Variants in GRIK4 observed in about 807,000 individuals in gnomAD.
GRIK4 encodes glutamate ionotropic receptor kainate type subunit 4.
In GRIK4, 40 loss-of-function variants were observed where a neutral mutation model predicts 104.9. The observed-to-expected ratio is 0.38, with a 90% CI of 0.30 to 0.50. The LOEUF (loss-of-function observed/expected upper bound fraction) is 0.50, where lower values mean the gene tolerates loss of function less well. Among genes scored for constraint, GRIK4 ranks in the 20% least tolerant of loss-of-function variants. The probability of loss-of-function intolerance (pLI) is 0.93; values close to 1 mark genes in which losing one functional copy is unlikely to be tolerated. For missense variants in GRIK4, 1,047 were observed against 1,308.1 expected (o/e 0.80, Z 3.08); for synonymous variants, 485 against 524.9 (o/e 0.92, Z 1.04).
intron 1 of GRIK4, among the ~76,000 whole-genome samples, chr11:120,600,312 G>C (rs1948867216): frequency 6.6e-6 from 1 of 152,154 alleles, no homozygotes; most frequent in South Asian, 2.1e-4. Context: ...GGGCAAGAGA[G>C]TAAGAGGTTT....
chr11:120,911,489 G>A (rs1305960440), intron 13 of GRIK4, among the ~76,000 whole-genome samples: 1 of 147,052 alleles, frequency 6.8e-6, no homozygotes, highest in Admixed American at 6.7e-5. Context: ...CGCCCGTCTC[G>A]GCCTCCCAAA....
Position 120,874,063 on chromosome 11 carries a change from C to T in GRIK4, c.907-3C>T, listed in dbSNP as rs766855401. 1 of 1,602,092 alleles carries T rather than the reference C, an allele frequency of 6.2e-7. No individual in the cohort carries two copies. The highest frequency in any genetic ancestry group is 1.1e-5 in the South Asian group (1 of 90,522). ...CCTCCGCCTGCTCCCCGGCCTCTCC[C>T]AGCTCTCCTCGGCCCTGCTGTTTGA... On this transcript the variant is annotated splice_region_variant and splice_polypyrimidine_tract_variant and intron_variant, in intron 9 of 20. Coordinates refer to ENST00000527524, the MANE Select transcript of GRIK4 (RefSeq NM_014619.5).
rs554766032 is a variant in GRIK4 at position 120,517,449 on chromosome 11, C to G, written c.-159+5562C>G. ...AAAGTGAGGCTGGCATCGTTTGCCC[C>G]AGGGAGGCCATGGGCAGGCCCCCTG... On this transcript the variant is annotated intron_variant, in intron 1 of 20. Coordinates refer to ENST00000527524, the MANE Select transcript of GRIK4 (RefSeq NM_014619.5). Among the ~76,000 whole-genome samples the G allele has an allele frequency of 2.0e-5, 3 of 148,604 alleles. No individual in the cohort carries two copies. The East Asian group carries it at 5.9e-4, about 29-fold the overall frequency.
At chr11:120,761,034 C>CCA (rs1951740333) in intron 3 of GRIK4, among the ~76,000 whole-genome samples, 1 of 152,176 alleles carries the variant, frequency 6.6e-6, no homozygotes, top group Non-Finnish European at 1.5e-5. Context: ...CTGTCTTCCA[C>CCA]AATGGTTGAA....
intron 1 of GRIK4, among the ~76,000 whole-genome samples, chr11:120,537,391 G>A (rs1310761946): frequency 6.6e-6 from 1 of 152,150 alleles, no homozygotes; most frequent in Non-Finnish European, 1.5e-5. Flanking sequence ...AGCCTCTTAG[G>A]AAGCTTCAAA....
intron 4 of GRIK4, among the ~76,000 whole-genome samples, chr11:120,807,350 C>T (rs1215129417): frequency 2.0e-5 from 3 of 152,204 alleles, no homozygotes; most frequent in African/African-American, 4.8e-5. Context: ...TCCTGCAGAC[C>T]CAGAAGCAGG....
At chr11:120,719,595 C>T (rs1016388181) in intron 3 of GRIK4, among the ~76,000 whole-genome samples, 2 of 152,192 alleles carry the variant, frequency 1.3e-5, no homozygotes, top group Non-Finnish European at 2.9e-5. Flanking sequence ...TAGTGAGCTG[C>T]TCCCACAGAT....
At chr11:120,749,969 T>C (rs1951518140) in intron 3 of GRIK4, among the ~76,000 whole-genome samples, 1 of 152,162 alleles carries the variant, frequency 6.6e-6, no homozygotes. Flanking sequence ...GTTAGCTGTG[T>C]GAGGGAGAGA....
intron 3 of GRIK4, among the ~76,000 whole-genome samples, chr11:120,772,761 T>C (rs896686341): frequency 6.6e-6 from 1 of 151,566 alleles, no homozygotes; most frequent in Admixed American, 6.6e-5. Flanking sequence ...AGGAATGGGA[T>C]CTAGCATGCT....
At chr11:120,764,398 A>G (rs1476447119) in intron 3 of GRIK4, among the ~76,000 whole-genome samples, 2 of 151,914 alleles carry the variant, frequency 1.3e-5, no homozygotes, top group Admixed American at 6.5e-5. Flanking sequence ...TCTTTATCCA[A>G]TTTGCCAGTC....
chr11:120,912,749 C>T (rs1326098272), intron 13 of GRIK4, among the ~76,000 whole-genome samples: 1 of 152,158 alleles, frequency 6.6e-6, no homozygotes, highest in African/African-American at 2.4e-5. Context: ...AAGATGAAAT[C>T]GCTTATGTAA....
chr11:120,828,145 C>CG (rs1953316751), intron 6 of GRIK4, among the ~76,000 whole-genome samples: 3 of 152,202 alleles, frequency 2.0e-5, no homozygotes, highest in Admixed American at 2.0e-4. Context: ...GTCTCTACAT[C>CG]AGTCCAATCC....
intron 1 of GRIK4, among the ~76,000 whole-genome samples, chr11:120,599,253 C>T (rs1948848243): frequency 6.6e-6 from 1 of 152,238 alleles, no homozygotes; most frequent in Non-Finnish European, 1.5e-5. Flanking sequence ...CTTGTTCTCA[C>T]AACTAGTCAT....
Position 120,879,727 on chromosome 11 carries a change from T to C in GRIK4, c.1164+4484T>C, listed in dbSNP as rs140504611. Among the ~76,000 whole-genome samples the C allele has an allele frequency of 6.0e-4, 92 of 152,296 alleles. No individual in the cohort carries two copies. In the East Asian group the frequency reaches 0.014, roughly 23 times the overall value. On this transcript the variant is annotated intron_variant, in intron 11 of 20. Transcript: ENST00000527524. ...TCGCCCAGTTATTGGCTTATGGGCA[T>C]AGAAGTTGACAGTATTGTTTCAGCT...
At chr11:120,782,913 CA>C (rs1213195046) in intron 3 of GRIK4, among the ~76,000 whole-genome samples, 1 of 152,150 alleles carries the variant, frequency 6.6e-6, no homozygotes, top group Non-Finnish European at 1.5e-5. Flanking sequence ...CCTCACAAGG[CA>C]GGAGGGCAAG....
chr11:120,790,695 G>A (rs957787200), intron 3 of GRIK4, among the ~76,000 whole-genome samples: 1 of 152,202 alleles, frequency 6.6e-6, no homozygotes, highest in African/African-American at 2.4e-5. Context: ...AGCTAGGTTG[G>A]TGCAAGAGAG....
At position 120,902,369 on chromosome 11, in the gene GRIK4, G is replaced by A. The variant is rs1942760439; in HGVS notation, c.1273-2921G>A. Reference sequence around the variant, plus strand: ...TGAGCCCTAACCATCCCCATCCTTGGGCTTTCCAACGCGTCTCCAAGACCG... The same window carrying A: ...TGAGCCCTAACCATCCCCATCCTTGAGCTTTCCAACGCGTCTCCAAGACCG... On this transcript the variant is annotated intron_variant, in intron 12 of 20. Coordinates refer to ENST00000527524, the MANE Select transcript of GRIK4 (RefSeq NM_014619.5). This position sits in a 1 kb window ranked among gnomAD's most constrained non-coding sequence, Gnocchi z 4.5. Among the ~76,000 whole-genome samples, 1 of 152,060 alleles carries A rather than the reference G, an allele frequency of 6.6e-6. No homozygotes were observed. The highest frequency in any genetic ancestry group is 2.4e-5 in the African/African-American group (1 of 41,384).
intron 3 of GRIK4, among the ~76,000 whole-genome samples, chr11:120,688,714 A>G (rs1054842014): frequency 6.6e-6 from 1 of 152,230 alleles, no homozygotes; most frequent in African/African-American, 2.4e-5. Flanking sequence ...ATAATTAATC[A>G]CATTTTAATG....
At chr11:120,853,453 T>C (rs1954021891) in intron 8 of GRIK4, among the ~76,000 whole-genome samples, 1 of 152,100 alleles carries the variant, frequency 6.6e-6, no homozygotes, top group African/African-American at 2.4e-5. Context: ...GGATCTGATT[T>C]GAGTTAGAGA....
Sources: allele counts gnomAD v4.1 joint callset (sites outside exome capture counted in the v4.1 genomes callset), GRCh38; gene constraint gnomAD v4.1.1; non-coding constraint Gnocchi (gnomAD v3.1); transcripts MANE v1.5; gene names NCBI Gene and HGNC (gene_info 2026-07-23, HGNC 2026-07-21).